The following ZNF462 variants were observed in gnomAD, a reference collection of about 807,000 sequenced individuals.
The protein encoded by ZNF462 is zinc finger PBX1-interacting protein.
ZNF462 carries 10 observed loss-of-function variants against 201.9 expected under a neutral mutation model. That is an observed-to-expected ratio of 0.05 (90% CI 0.03 to 0.08). ZNF462 has a LOEUF of 0.08. ZNF462 is among the 10% of genes least tolerant of loss of function. The pLI is 1.00. For synonymous variants in ZNF462, 1,227 were observed against 1,193.3 expected (o/e 1.03, Z -0.58); for missense variants, 2,523 against 3,168.3 (o/e 0.80, Z 4.89).
intron 10 of ZNF462, among the ~76,000 whole-genome samples, chr9:106,990,336 C>T (rs1489436556): frequency 1.3e-5 from 2 of 151,818 alleles, no homozygotes; most frequent in African/African-American, 4.8e-5. Flanking sequence ...TTCTATGGCT[C>T]GTCATAGTCT....
chr9:106,943,820 T>C (rs1458515410), intron 7 of ZNF462, among the ~76,000 whole-genome samples: 1 of 152,176 alleles, frequency 6.6e-6, no homozygotes, highest in Admixed American at 6.6e-5. Flanking sequence ...GGTCCTCAAA[T>C]ACATTTTAAC....
chr9:106,973,980 T>G lies in ZNF462; in HGVS notation c.6696-157T>G, dbSNP rs1826795346. Among the ~76,000 whole-genome samples the G allele has an allele frequency of 2.6e-5, 4 of 152,034 alleles. No individual in the cohort carries two copies. The South Asian group carries it at 8.3e-4, about 32-fold the overall frequency. On this transcript the variant is annotated intron_variant, in intron 8 of 12. Transcript: ENST00000277225. ...TCAGATTCGGTTGAGTGACCAAGTT[T>G]CTGGGTGGTCAACAAACATGATGAA...
intron 1 of ZNF462, among the ~76,000 whole-genome samples, chr9:106,887,341 C>G (rs544161817): frequency 6.6e-6 from 1 of 152,282 alleles, no homozygotes; most frequent in Admixed American, 6.5e-5. Context: ...CCTACATCCT[C>G]CTAGGCCATC....
chr9:107,002,586 C>T (rs1389943513), intron 10 of ZNF462, among the ~76,000 whole-genome samples: 1 of 152,094 alleles, frequency 6.6e-6, no homozygotes, highest in East Asian at 1.9e-4. Flanking sequence ...CTTGGATTCC[C>T]ACATTATTCT....
rs1050189996 is a variant in ZNF462 at position 106,938,339 on chromosome 9, A to G, written c.6236-577A>G. 6.6e-6 allele frequency among the ~76,000 whole-genome samples: 1 copy of G among 152,196 alleles called. No individual in the cohort carries two copies. Among genetic ancestry groups the G allele is most frequent in the African/African-American group, 2.4e-5 (1 of 41,454 alleles). On this transcript the variant is annotated intron_variant, in intron 6 of 12. Coordinates refer to ENST00000277225, the MANE Select transcript of ZNF462 (RefSeq NM_021224.6). This position sits in a 1 kb window ranked among gnomAD's most constrained non-coding sequence, Gnocchi z 4.4. ...TCTGTGCTATTGACTAGATAAGGAA[A>G]TGGAGTTCTATGCTGAGGTTTATGA...
In ZNF462 at chr9:106,925,780, A is replaced by T; in HGVS notation, c.1868A>T (p.His623Leu). The stretch of plus-strand genomic sequence containing the variant: ...CTAAGAGTCCATCAGCAGCATAAAC[A>T]TTCATTCTGTGACAACTTGCCAAAA... ...KGLRVHQQHK[H>L]SFCDNLPKFE... is the part of the protein sequence containing the mutation. The change falls in exon 3 of 13, where the codon CAT becomes CTT. Residue 623 changes from histidine (H) to leucine (L), a missense_variant. His to Leu is a moderately conservative substitution (Grantham distance 99). This residue lies in a region of ZNF462 where 383 missense variants were observed against 453.4 expected (regional missense o/e 0.84). Coordinates refer to ENST00000277225, the MANE Select transcript of ZNF462 (RefSeq NM_021224.6). This position sits in a 1 kb window ranked among gnomAD's most constrained non-coding sequence, Gnocchi z 7.9. 1 of 1,614,186 alleles carries T rather than the reference A, an allele frequency of 6.2e-7. No individual in the cohort carries two copies. The highest frequency in any genetic ancestry group is 8.5e-7 in the Non-Finnish European group (1 of 1,180,032).
At chr9:106,985,441 A>G (rs1564153034) in intron 10 of ZNF462, among the ~76,000 whole-genome samples, 2 of 152,174 alleles carry the variant, frequency 1.3e-5, no homozygotes, top group Non-Finnish European at 2.9e-5. Context: ...CAGAGGGTAG[A>G]AATCACACAG....
intron 10 of ZNF462, among the ~76,000 whole-genome samples, chr9:106,989,767 G>A (rs962899693): frequency 7.2e-5 from 11 of 152,076 alleles, no homozygotes; most frequent in Non-Finnish European, 1.2e-4. Context: ...TTTAGGCTAC[G>A]AGGGTTGTAT....
chr9:106,907,609 C>G (rs1829325534), intron 1 of ZNF462, among the ~76,000 whole-genome samples: 1 of 151,838 alleles, frequency 6.6e-6, no homozygotes, highest in Non-Finnish European at 1.5e-5. Context: ...GCCCTACTCC[C>G]TTTTTGTTGT....
chr9:106,875,513 T>C (rs1393198516), intron 1 of ZNF462, among the ~76,000 whole-genome samples: 1 of 152,214 alleles, frequency 6.6e-6, no homozygotes, highest in Admixed American at 6.5e-5. Context: ...CTTAGCAACA[T>C]GATCACTAAG....
chr9:106,864,055 T>C (rs979310389), intron 1 of ZNF462, among the ~76,000 whole-genome samples: 7 of 67,500 alleles, frequency 1.0e-4, no homozygotes, highest in South Asian at 6.8e-4. Flanking sequence ...TCTCTCTCTC[T>C]CTCTCTCTCT....
rs746502284 is a variant in ZNF462, at chr9:106,924,874, G to C, written c.962G>C (p.Arg321Thr). 1 of 1,614,176 alleles carries C rather than the reference G, an allele frequency of 6.2e-7. No individual in the cohort carries two copies. Among genetic ancestry groups the C allele is most frequent in the Non-Finnish European group, 8.5e-7 (1 of 1,180,020 alleles). ...EIPNTTVSNFRGSMGNSIMRP... is the reference protein window; with the variant it reads ...EIPNTTVSNFTGSMGNSIMRP... ...CCCAATACTACCGTCTCCAACTTCAGGGGCTCCATGGGCAACTCCATCATG... is the reference window on the plus strand; with the variant it reads ...CCCAATACTACCGTCTCCAACTTCACGGGCTCCATGGGCAACTCCATCATG... The change falls in exon 3 of 13, where the codon AGG becomes ACG. Residue 321 changes from arginine to threonine, a missense_variant. Coordinates refer to ENST00000277225, the MANE Select transcript of ZNF462 (RefSeq NM_021224.6). This position sits in a 1 kb window ranked among gnomAD's most constrained non-coding sequence, Gnocchi z 6.2.
intron 7 of ZNF462, among the ~76,000 whole-genome samples, chr9:106,941,973 A>G (rs1045549977): frequency 7.2e-5 from 11 of 152,220 alleles, no homozygotes; most frequent in South Asian, 2.1e-4. Context: ...GTGAAATCCA[A>G]TTGCACATTT....
rs1258538758 is a variant in ZNF462 at position 106,929,314 on chromosome 9, G to A, written c.5402G>A (p.Ser1801Asn). Reference protein sequence around the residue: ...PGVFPKKQHASKLGGYFTAVY... With the variant: ...PGVFPKKQHANKLGGYFTAVY... ...GTGTTCCCAAAGAAGCAGCACGCCA[G>A]CAAGTTGGGGGGCTACTTCACGGCC... The change falls in exon 3 of 13, where the codon AGC becomes AAC. Residue 1801 changes from serine (S) to asparagine (N), a missense_variant. Physicochemically the swap from Ser to Asn is conservative, Grantham distance 46 (BLOSUM62 1). Coordinates refer to ENST00000277225, the MANE Select transcript of ZNF462 (RefSeq NM_021224.6). This position sits in a 1 kb window ranked among gnomAD's most constrained non-coding sequence, Gnocchi z 8.7. 2 of 1,614,018 alleles carry A rather than the reference G, an allele frequency of 1.2e-6. No individual in the cohort carries two copies. The highest frequency in any genetic ancestry group is 2.2e-5 in the East Asian group (1 of 44,890).
rs758637793 is a variant in ZNF462, at chr9:106,927,887, C to A, written c.3975C>A (p.Asn1325Lys). ...GCATCTACTCCCATACGGAGCCCAA[C>A]GGTTTGCTCCTGCATTACCAACGGA... is the stretch of plus-strand genomic sequence containing the variant. ...EWCIYSHTEP[N>K]GLLLHYQRRH... Residue 1325 changes from asparagine to lysine, a missense_variant, in exon 3 of 13, where the codon AAC becomes AAA. Coordinates refer to ENST00000277225, the MANE Select transcript of ZNF462 (RefSeq NM_021224.6). 6.2e-7 allele frequency: 1 copy of A among 1,614,098 alleles called. No individual in the cohort carries two copies. The highest frequency in any genetic ancestry group is 1.3e-5 in the African/African-American group (1 of 74,936).
In ZNF462 at chr9:106,885,834, T is replaced by C. The variant is rs765794083; in HGVS notation, c.-31+22479T>C. On this transcript the variant is annotated intron_variant, in intron 1 of 12. Coordinates refer to ENST00000277225, the MANE Select transcript of ZNF462 (RefSeq NM_021224.6). The surrounding 1 kb of genome is among the most constrained non-coding windows in gnomAD (Gnocchi z 4.1). ...ACTGCTTGATGTTTTGGAGCCCACC[T>C]GATTCTTAAGAGTTTCCAGTTCCTC... Among the ~76,000 whole-genome samples the C allele has an allele frequency of 6.6e-6, 1 of 152,214 alleles. No individual in the cohort carries two copies. The highest frequency in any genetic ancestry group is 1.5e-5 in the Non-Finnish European group (1 of 68,046).
Position 106,917,504 on chromosome 9 carries a change from G to A in ZNF462, c.-30-5850G>A, listed in dbSNP as rs1421825683. On this transcript the variant is annotated intron_variant, in intron 1 of 12. Transcript: ENST00000277225. This position sits in a 1 kb window ranked among gnomAD's most constrained non-coding sequence, Gnocchi z 4.5. ...GGACTTCATCTCATGGTATTTCCCT[G>A]CTACTATTTAACTTCAGTCTCATAT... is the stretch of plus-strand genomic sequence containing the variant. 1.3e-5 allele frequency among the ~76,000 whole-genome samples: 2 copies of A among 152,164 alleles called. No individual in the cohort carries two copies. The highest frequency in any genetic ancestry group is 2.9e-5 in the Non-Finnish European group (2 of 68,034).
chr9:106,956,698 T>C (rs1332692079), intron 7 of ZNF462, among the ~76,000 whole-genome samples: 1 of 152,162 alleles, frequency 6.6e-6, no homozygotes, highest in African/African-American at 2.4e-5. Flanking sequence ...CTTAGCTATA[T>C]CTTCTGGATA....
At chr9:106,863,079 GGAGA>G (rs1034705811), upstream of ZNF462, 3 of 394,934 alleles carry the variant, frequency 7.6e-6, no homozygotes, top group African/African-American at 2.1e-5. Context: ...GAGAGAGAGG[GGAGA>G]GAGAGAGTGA....
Sources: gnomAD v4.1 joint callset for allele counts (sites outside exome capture counted in the v4.1 genomes callset) on GRCh38, gnomAD v4.1.1 for gene constraint, gnomAD v4.1.1 regional missense constraint, Gnocchi (gnomAD v3.1) non-coding constraint, MANE v1.5 for transcripts, NCBI Gene and HGNC (gene_info 2026-07-23, HGNC 2026-07-21) for gene names.